Variants in VWA8 observed in about 807,000 individuals in gnomAD.
VWA8 encodes von Willebrand factor A domain containing 8.
In VWA8, 221 loss-of-function variants were observed where a neutral mutation model predicts 241.5. The ratio of observed to expected loss-of-function variants is 0.91; its 90% CI spans 0.82 to 1.02. The LOEUF (loss-of-function observed/expected upper bound fraction) is 1.02. Among genes scored for constraint, VWA8 ranks in the 50% least tolerant of loss-of-function variants. VWA8 has a pLI of 0.00. For missense variants in VWA8, 2,322 were observed against 2,328.7 expected (o/e 1.00, Z 0.06); for synonymous variants, 852 against 827.1 (o/e 1.03, Z -0.52).
intron 17 of VWA8, among the ~76,000 whole-genome samples, chr13:41,789,377 T>C (rs1869350478): frequency 6.6e-6 from 1 of 152,216 alleles, no homozygotes; most frequent in South Asian, 2.1e-4. Context: ...CATACCCTGT[T>C]GCAAATTTTC....
chr13:41,763,133 C>A (rs2045753113), intron 20 of VWA8, among the ~76,000 whole-genome samples: 1 of 151,488 alleles, frequency 6.6e-6, no homozygotes, highest in South Asian at 2.1e-4. Flanking sequence ...AACAAACAAA[C>A]AAAAAATTAG....
intron 24 of VWA8, among the ~76,000 whole-genome samples, chr13:41,726,159 T>C (rs1460739875): frequency 6.6e-6 from 1 of 152,166 alleles, no homozygotes; most frequent in Non-Finnish European, 1.5e-5. Context: ...AGTAAACTTA[T>C]TCTCTTTTTT....
intron 14 of VWA8, among the ~76,000 whole-genome samples, chr13:41,825,466 T>C (rs1314011647): frequency 1.3e-5 from 2 of 152,136 alleles, no homozygotes; most frequent in African/African-American, 2.4e-5. Flanking sequence ...TTAGTAGAAG[T>C]TGTCCTAGGA....
intron 20 of VWA8, among the ~76,000 whole-genome samples, chr13:41,773,739 T>G (rs1868438480): frequency 6.6e-6 from 1 of 152,248 alleles, no homozygotes; most frequent in African/African-American, 2.4e-5. Context: ...CCAGCTGCCT[T>G]GGTCCAATTT....
At chr13:41,623,625 T>C (rs2044671240) in intron 37 of VWA8, among the ~76,000 whole-genome samples, 1 of 152,202 alleles carries the variant, frequency 6.6e-6, no homozygotes, top group Non-Finnish European at 1.5e-5. Context: ...TTGCCCACTA[T>C]CTTCTTGATT....
At chr13:41,934,669 T>C (rs1350375821) in intron 2 of VWA8, among the ~76,000 whole-genome samples, 1 of 152,076 alleles carries the variant, frequency 6.6e-6, no homozygotes, top group Non-Finnish European at 1.5e-5. Context: ...AGTATATATG[T>C]TGTATGACTC....
intron 22 of VWA8, 121 bp from the exon 23 acceptor site, chr13:41,729,798 G>GACACACACACAT (rs2045467213): frequency 4.5e-6 from 2 of 443,766 alleles, no homozygotes; most frequent in African/African-American, 2.3e-5. Context: ...TATACACGTA[G>GACACACACACAT]ACACACACAC....
At chr13:41,930,171 A>G (rs1877037569) in intron 2 of VWA8, among the ~76,000 whole-genome samples, 1 of 152,198 alleles carries the variant, frequency 6.6e-6, no homozygotes, top group Non-Finnish European at 1.5e-5. Flanking sequence ...AATCAAAACC[A>G]CAATGAGATA....
intron 17 of VWA8, among the ~76,000 whole-genome samples, chr13:41,801,462 T>C (rs957439319): frequency 1.3e-5 from 2 of 152,164 alleles, no homozygotes; most frequent in South Asian, 2.1e-4. Context: ...GAAAATAGAT[T>C]CTCCTTTAAT....
At chr13:41,820,567 A>C (rs1014263499) in intron 14 of VWA8, among the ~76,000 whole-genome samples, 10 of 152,230 alleles carry the variant, frequency 6.6e-5, no homozygotes, top group South Asian at 2.1e-4. Context: ...ATGAATTCAC[A>C]AATACTACCA....
At chr13:41,748,788 G>T (rs1318063069) in intron 21 of VWA8, among the ~76,000 whole-genome samples, 1 of 152,146 alleles carries the variant, frequency 6.6e-6, no homozygotes, top group South Asian at 2.1e-4. Context: ...AATCGTGCTG[G>T]GAAAACTGGC....
At chr13:41,879,378 C>CACAT (rs1874059194) in intron 9 of VWA8, among the ~76,000 whole-genome samples, 1 of 96,532 alleles carries the variant, frequency 1.0e-5, no homozygotes, top group South Asian at 5.1e-4. Flanking sequence ...CATACATACA[C>CACAT]ACATACACAC....
intron 23 of VWA8, 66 bp from the exon 24 acceptor site, chr13:41,727,379 T>A: frequency 8.9e-7 from 1 of 1,120,528 alleles, no homozygotes; most frequent in Admixed American, 3.1e-5. Flanking sequence ...CAAGCAACAA[T>A]CTTTTAGATA....
At chr13:41,953,635 A>C (rs1445812258) in intron 1 of VWA8, among the ~76,000 whole-genome samples, 2 of 152,072 alleles carry the variant, frequency 1.3e-5, no homozygotes, top group African/African-American at 4.8e-5. Context: ...GTGAAACCCC[A>C]TCTCTACTAA....
At chr13:41,815,188 A>C (rs1372123644) in intron 16 of VWA8, among the ~76,000 whole-genome samples, 2 of 152,196 alleles carry the variant, frequency 1.3e-5, no homozygotes, top group African/African-American at 2.4e-5. Flanking sequence ...GGAAAAACAA[A>C]GACACCACTG....
At chr13:41,878,111 T>C in intron 9 of VWA8, among the ~76,000 whole-genome samples, 1 of 152,244 alleles carries the variant, frequency 6.6e-6, no homozygotes, top group South Asian at 2.1e-4. Flanking sequence ...ATTTCTATGA[T>C]AATCTAGGAG....
intron 37 of VWA8, among the ~76,000 whole-genome samples, chr13:41,617,684 C>T (rs2044630322): frequency 2.0e-5 from 3 of 152,072 alleles, no homozygotes; most frequent in Non-Finnish European, 4.4e-5. Flanking sequence ...GTTCCTCGCC[C>T]TGTGTCCAAG....
chr13:41,956,854 ATATT>A (rs1206930442), intron 1 of VWA8, among the ~76,000 whole-genome samples: 1 of 152,222 alleles, frequency 6.6e-6, no homozygotes, highest in Non-Finnish European at 1.5e-5. Context: ...ATGTACAATG[ATATT>A]TATTACCATG....
intron 42 of VWA8, among the ~76,000 whole-genome samples, chr13:41,585,565 G>C (rs7992785): frequency 0.06 from 9,136 of 152,098 alleles, 470 homozygotes; most frequent in African/African-American, 0.14. Context: ...GTCTACATTG[G>C]GTTAAAATCT....
Sources: gnomAD v4.1 joint callset for allele counts (sites outside exome capture counted in the v4.1 genomes callset) on GRCh38, gnomAD v4.1.1 for gene constraint, MANE v1.5 for transcripts, NCBI Gene and HGNC (gene_info 2026-07-23, HGNC 2026-07-21) for gene names.